MICU3: variants seen among roughly 807,000 people sequenced by gnomAD.
The protein encoded by MICU3 is mitochondrial calcium uptake 3, also known as calcium uptake protein 3, mitochondrial.
MICU3 carries 62 observed loss-of-function variants against 66.5 expected under a neutral mutation model. The observed-to-expected ratio is 0.93, with a 90% CI of 0.76 to 1.15. MICU3 has a LOEUF of 1.15. Among genes scored for constraint, MICU3 ranks in the 50% most tolerant of loss-of-function variants. The probability of loss-of-function intolerance (pLI) is 0.00; values close to 1 mark genes in which losing one functional copy is unlikely to be tolerated. For synonymous variants in MICU3, 308 were observed against 240.7 expected, an observed-to-expected ratio of 1.28 and a Z score of -2.59; for missense variants, 779 against 664.4, an observed-to-expected ratio of 1.17 and a Z score of -1.90.
intron 1 of MICU3, among the ~76,000 whole-genome samples, chr8:17,060,588 G>A (rs547344799): frequency 5.3e-5 from 8 of 152,120 alleles, no homozygotes; most frequent in African/African-American, 1.2e-4. Context: ...CTGGGATTAC[G>A]GGCATGAGCC....
At position 17,044,991 on chromosome 8, in the gene MICU3, A is replaced by G. The variant is rs543402128; in HGVS notation, c.381+17331A>G. 1.7e-4 allele frequency among the ~76,000 whole-genome samples: 26 copies of G among 152,236 alleles called. No individual in the cohort carries two copies. In the South Asian group the frequency reaches 5.4e-3, roughly 32 times the overall value. On this transcript the variant is annotated intron_variant, in intron 1 of 14. Coordinates refer to ENST00000318063, the MANE Select transcript of MICU3 (RefSeq NM_181723.3). ...CAAGTGGCCCTGTCTAACTGCAACA[A>G]AGCCTGAAAAAGGTAACCTTTATTT...
At chr8:17,103,525 A>G (rs1801463821) in intron 9 of MICU3, among the ~76,000 whole-genome samples, 1 of 151,754 alleles carries the variant, frequency 6.6e-6, no homozygotes, top group African/African-American at 2.4e-5. Context: ...AGTCCTTTGA[A>G]TTTTATGCTT....
chr8:17,068,966 T>A (rs1819133489), intron 2 of MICU3, among the ~76,000 whole-genome samples: 1 of 152,198 alleles, frequency 6.6e-6, no homozygotes, highest in Non-Finnish European at 1.5e-5. Flanking sequence ...AGTGTTCAAA[T>A]GTGAGCAAAG....
chr8:17,125,273 A>G (rs1803376750), downstream of MICU3, among the ~76,000 whole-genome samples: 1 of 149,436 alleles, frequency 6.7e-6, no homozygotes, highest in East Asian at 2.0e-4. Context: ...TTTTTTCTTG[A>G]GTTTTCCTTT....
At chr8:17,068,142 C>A (rs1819001127) in intron 2 of MICU3, among the ~76,000 whole-genome samples, 2 of 151,772 alleles carry the variant, frequency 1.3e-5, no homozygotes, top group South Asian at 4.2e-4. Context: ...ATAATATTTC[C>A]ACTAGAATTG....
intron 3 of MICU3, among the ~76,000 whole-genome samples, chr8:17,070,414 T>C (rs995494791): frequency 2.6e-5 from 4 of 151,910 alleles, no homozygotes; most frequent in African/African-American, 9.7e-5. Flanking sequence ...AGTCCAAAAC[T>C]GAGAAAGTGA....
chr8:17,084,494 C>T (rs1477394917), intron 5 of MICU3, among the ~76,000 whole-genome samples: 1 of 152,020 alleles, frequency 6.6e-6, no homozygotes, highest in African/African-American at 2.4e-5. Context: ...ACCCCTCCCC[C>T]CGGTCATCTC....
chr8:17,037,164 G>A (rs569281301), intron 1 of MICU3, among the ~76,000 whole-genome samples: 29 of 152,224 alleles, frequency 1.9e-4, no homozygotes, highest in African/African-American at 5.1e-4. Flanking sequence ...GCCCACAAGC[G>A]CCACACGCAG....
the MICU3 span, among the ~76,000 whole-genome samples, chr8:17,129,817 C>T: frequency 3.7e-3 from 566 of 152,296 alleles, 2 homozygotes; most frequent in Non-Finnish European, 6.0e-3. Context: ...AACAAACCCA[C>T]ATCTGTTCAT....
chr8:17,037,332 C>T (rs1307104851), intron 1 of MICU3, among the ~76,000 whole-genome samples: 1 of 152,214 alleles, frequency 6.6e-6, no homozygotes, highest in Non-Finnish European at 1.5e-5. Flanking sequence ...AGAGGAGGTG[C>T]CGAGAGCGAG....
At chr8:17,063,935 A>G (rs1194958240) in intron 1 of MICU3, 149 bp from the exon 2 acceptor site, 2 of 445,640 alleles carry the variant, frequency 4.5e-6, no homozygotes, top group Admixed American at 4.1e-5. Flanking sequence ...TGAATAATTT[A>G]TTTATAAAGT....
chr8:17,103,835 C>G (rs961000325), intron 9 of MICU3, among the ~76,000 whole-genome samples: 3 of 151,822 alleles, frequency 2.0e-5, no homozygotes, highest in Non-Finnish European at 4.4e-5. Context: ...CATATTATTA[C>G]TTTAGTTTTT....
intron 7 of MICU3, among the ~76,000 whole-genome samples, chr8:17,088,992 G>T (rs1350975714): frequency 6.6e-6 from 1 of 151,566 alleles, no homozygotes; most frequent in Admixed American, 6.6e-5. Flanking sequence ...ATTTTATATG[G>T]GTTAATGAAC....
intron 1 of MICU3, among the ~76,000 whole-genome samples, chr8:17,060,338 T>C (rs1817631341): frequency 6.6e-6 from 1 of 151,950 alleles, no homozygotes; most frequent in Admixed American, 6.6e-5. Flanking sequence ...GTGCTGTCGA[T>C]TAGGCTGGAG....
At chr8:17,036,213 C>T (rs532353769) in intron 1 of MICU3, among the ~76,000 whole-genome samples, 23 of 151,992 alleles carry the variant, frequency 1.5e-4, no homozygotes, top group South Asian at 1.0e-3. Flanking sequence ...CTTAGGGTAG[C>T]GTGTCTGGAG....
At chr8:17,118,093 C>T (rs1027629538) in intron 13 of MICU3, among the ~76,000 whole-genome samples, 1 of 152,130 alleles carries the variant, frequency 6.6e-6, no homozygotes, top group Non-Finnish European at 1.5e-5. Flanking sequence ...GTACTTGAAA[C>T]AAGTTACATT....
At position 17,079,654 on chromosome 8, in the gene MICU3, C is replaced by A. The variant is rs372906230; in HGVS notation, c.646+1793C>A. Among the ~76,000 whole-genome samples the A allele has an allele frequency of 1.3e-4, 20 of 151,866 alleles. 1 individual carries two copies. The East Asian group carries it at 3.9e-3, about 29-fold the overall frequency. On this transcript the variant is annotated intron_variant, in intron 4 of 14. Coordinates refer to ENST00000318063, the MANE Select transcript of MICU3 (RefSeq NM_181723.3). Reference sequence around the variant, plus strand: ...ACCTCCTGGGCTTAAGCGATTCTTCCCCCTCATTTTTTGAGTTTTTGTAGA... The same window carrying A: ...ACCTCCTGGGCTTAAGCGATTCTTCACCCTCATTTTTTGAGTTTTTGTAGA...
chr8:17,121,815 T>G lies in MICU3; in HGVS notation c.*1528T>G, dbSNP rs1296763847. ...ATTTTAAAATATATTATTCATAAGT[T>G]CAAGGATCCCATATAGTATAAGAAT... is the stretch of plus-strand genomic sequence containing the variant. On this transcript the variant is annotated 3_prime_UTR_variant, in exon 15 of 15. Coordinates refer to ENST00000318063, the MANE Select transcript of MICU3 (RefSeq NM_181723.3). 1 of 151,984 alleles carries G rather than the reference T, an allele frequency of 6.6e-6. No individual in the cohort carries two copies. The highest frequency in any genetic ancestry group is 2.4e-5 in the African/African-American group (1 of 41,442). 9.4% of individuals were successfully genotyped at this position (151,984 alleles called of 1,614,324 possible).
chr8:17,117,428 AT>A (rs907026472), intron 13 of MICU3, among the ~76,000 whole-genome samples: 28 of 152,198 alleles, frequency 1.8e-4, no homozygotes, highest in Non-Finnish European at 2.2e-4. Flanking sequence ...AAATTCAGTG[AT>A]TTTTTTCCCC....
Sources: allele counts gnomAD v4.1 joint callset (sites outside exome capture counted in the v4.1 genomes callset), GRCh38; gene constraint gnomAD v4.1.1; transcripts MANE v1.5; gene names NCBI Gene and HGNC (gene_info 2026-07-23, HGNC 2026-07-21).